Variants in TRPC3 observed in about 807,000 individuals in gnomAD.
TRPC3 encodes the protein short transient receptor potential channel 3.
TRPC3 carries 54 observed loss-of-function variants against 90.9 expected under a neutral mutation model. The ratio of observed to expected loss-of-function variants is 0.59; its 90% CI spans 0.48 to 0.75. TRPC3 has a LOEUF of 0.75. TRPC3 is among the 30% of genes least tolerant of loss of function. The pLI, the probability that TRPC3 is intolerant of heterozygous loss-of-function variation, is 0.00. For missense variants in TRPC3, 918 were observed against 1,194.5 expected (o/e 0.77, Z 3.41); for synonymous variants, 424 against 450.9 (o/e 0.94, Z 0.75).
In TRPC3 at chr4:121,902,997, C is replaced by T; in HGVS notation, c.2318G>A (p.Gly773Glu). Reference protein sequence around the residue: ...SKLWLSYFDDGKTLPPPFSLV... With the variant: ...SKLWLSYFDDEKTLPPPFSLV... ...ACTGAAAGGTGGAGGTAATGTTTTT[C>T]CATCATCAAAATAGGATAACCAAAG... Residue 773 changes from glycine to glutamate, a missense_variant, in exon 9 of 12, where the codon GGA becomes GAA. Transcript: ENST00000379645. The T allele has an allele frequency of 6.2e-7, 1 of 1,613,362 alleles. No individual in the cohort carries two copies. The highest frequency in any genetic ancestry group is 8.5e-7 in the Non-Finnish European group (1 of 1,179,720).
chr4:121,926,277 A>G (rs1424819094), intron 2 of TRPC3, among the ~76,000 whole-genome samples: 1 of 152,102 alleles, frequency 6.6e-6, no homozygotes, highest in East Asian at 1.9e-4. Context: ...CGGGAGTGTA[A>G]CCCTCCTCAC....
At chr4:121,885,223 A>G (rs1370987606) in intron 10 of TRPC3, among the ~76,000 whole-genome samples, 1 of 152,160 alleles carries the variant, frequency 6.6e-6, no homozygotes, top group Non-Finnish European at 1.5e-5. Flanking sequence ...TTCTAAAATG[A>G]TCTGCAGCTC....
intron 6 of TRPC3, among the ~76,000 whole-genome samples, chr4:121,908,444 C>CTA (rs1191923469): frequency 6.6e-6 from 1 of 152,118 alleles, no homozygotes; most frequent in Non-Finnish European, 1.5e-5. Context: ...CATTGCAGCA[C>CTA]TATTCACAAT....
intron 10 of TRPC3, among the ~76,000 whole-genome samples, chr4:121,891,797 A>G (rs1390090033): frequency 6.6e-6 from 1 of 152,172 alleles, no homozygotes; most frequent in African/African-American, 2.4e-5. Flanking sequence ...TACTACCTTT[A>G]GCAACCCAAA....
intron 2 of TRPC3, among the ~76,000 whole-genome samples, chr4:121,928,904 A>G (rs1414780862): frequency 6.6e-6 from 1 of 152,252 alleles, no homozygotes. Flanking sequence ...ATAACAAAAG[A>G]GGCAAGTTAT....
In TRPC3 at chr4:121,879,757, G is replaced by T; in HGVS notation, c.2745C>A (p.Pro915=). ...LIHKLSEKLN[P]SMLRCE ...TGCATCATTCACATCTCAGCATGCT[G>T]GGATTCAGTTTCTCACTAAGTTTAT... Residue 915 remains proline, a synonymous_variant, in exon 12 of 12, where the codon CCC becomes CCA. Coordinates refer to ENST00000379645, the MANE Select transcript of TRPC3 (RefSeq NM_001130698.2). 1.9e-6 allele frequency: 3 copies of T among 1,610,080 alleles called. No homozygotes were observed. The highest frequency in any genetic ancestry group is 2.5e-6 in the Non-Finnish European group (3 of 1,178,608).
At chr4:121,911,761 AACAGTGATGTTGTC>A (rs1181461460) in intron 5 of TRPC3, 102 bp downstream of exon 5, 8 of 1,051,790 alleles carry the variant, frequency 7.6e-6, no homozygotes, top group Non-Finnish European at 6.7e-6. Context: ...CTTATCTTGC[AACAGTGATGTTGTC>A]ACCATATAAG....
chr4:121,928,502 C>CCTTTA (rs1729792851), intron 2 of TRPC3, among the ~76,000 whole-genome samples: 1 of 152,260 alleles, frequency 6.6e-6, no homozygotes, highest in African/African-American at 2.4e-5. Context: ...TTCACATTGA[C>CCTTTA]TGTTAGTTCC....
At chr4:121,937,852 T>C (rs1048399778) in intron 1 of TRPC3, among the ~76,000 whole-genome samples, 1 of 152,158 alleles carries the variant, frequency 6.6e-6, no homozygotes, top group South Asian at 2.1e-4. Flanking sequence ...TTTTTTAAAT[T>C]ATTTCTCACA....
intron 10 of TRPC3, among the ~76,000 whole-genome samples, chr4:121,883,473 A>G (rs990603170): frequency 1.3e-5 from 2 of 152,192 alleles, no homozygotes; most frequent in African/African-American, 4.8e-5. Flanking sequence ...AAAATGGGCA[A>G]AAGACAAACA....
At chr4:121,896,605 C>T (rs1177801118) in intron 10 of TRPC3, among the ~76,000 whole-genome samples, 1 of 152,032 alleles carries the variant, frequency 6.6e-6, no homozygotes, top group Admixed American at 6.6e-5. Context: ...AAGACCTCTT[C>T]AAGGAAAACT....
intron 2 of TRPC3, among the ~76,000 whole-genome samples, chr4:121,928,558 G>A (rs67798230): frequency 0.48 from 72,788 of 152,054 alleles, 18,367 homozygotes; most frequent in East Asian, 0.59. Flanking sequence ...TTACTTCACA[G>A]ATCAGACCAT....
At chr4:121,943,532 C>T (rs1032394432) in intron 1 of TRPC3, among the ~76,000 whole-genome samples, 1 of 152,070 alleles carries the variant, frequency 6.6e-6, no homozygotes, top group African/African-American at 2.4e-5. Flanking sequence ...ATCTCAAACT[C>T]ATCTTCACAA....
At chr4:121,926,598 G>T (rs772443956) in intron 2 of TRPC3, among the ~76,000 whole-genome samples, 15 of 151,808 alleles carry the variant, frequency 9.9e-5, no homozygotes, top group Admixed American at 2.0e-4. Flanking sequence ...GTAGAGATGG[G>T]GTTTCACCAT....
chr4:121,921,449 G>A (rs1323610034), intron 3 of TRPC3, among the ~76,000 whole-genome samples: 7 of 147,992 alleles, frequency 4.7e-5, no homozygotes, highest in African/African-American at 1.5e-4. Flanking sequence ...GTGAACCCGG[G>A]AGGCGGAGCT....
chr4:121,951,460 A>G lies in TRPC3; in HGVS notation c.215+6T>C. 1 of 1,239,906 alleles carries G rather than the reference A, an allele frequency of 8.1e-7. No homozygotes were observed. The highest frequency in any genetic ancestry group is 1.0e-6 in the Non-Finnish European group (1 of 990,140). The allele number at this position is 1,239,906 out of a possible 1,614,324, so 76.8% of individuals were successfully genotyped here. A position where few individuals can be genotyped will look rare whatever the true frequency, so the allele number is the denominator to read the frequency against. Reference sequence around the variant, plus strand: ...GGCGCGGGCCGCGGCCGGGCCCGGTACTCACAGGTCCGGCCCGTGGGAGAA... The same window carrying G: ...GGCGCGGGCCGCGGCCGGGCCCGGTGCTCACAGGTCCGGCCCGTGGGAGAA... On this transcript the variant is annotated splice_donor_region_variant and intron_variant, in intron 1 of 11. Coordinates refer to ENST00000379645, the MANE Select transcript of TRPC3 (RefSeq NM_001130698.2). The surrounding 1 kb of genome is among the most constrained non-coding windows in gnomAD (Gnocchi z 4.4).
rs201764175 is a variant in TRPC3 at position 121,932,610 on chromosome 4, C to T, written c.648G>A (p.Gln216=). ...CGTCGTAAGCGTAGAAGTCGTCGTC[C>T]TGCAGCTCCTGCTCACAGGGGCTCA... is the stretch of plus-strand genomic sequence containing the variant. ...LTLSPCEQEL[Q]DDDFYAYDED... Residue 216 remains glutamine, a synonymous_variant, in exon 2 of 12, where the codon CAG becomes CAA. Coordinates refer to ENST00000379645, the MANE Select transcript of TRPC3 (RefSeq NM_001130698.2). The surrounding 1 kb of genome is among the most constrained non-coding windows in gnomAD (Gnocchi z 7.7). 5.6e-6 allele frequency: 9 copies of T among 1,613,926 alleles called. No individual in the cohort carries two copies. Among genetic ancestry groups the T allele is most frequent in the Admixed American group, 1.7e-5 (1 of 60,030 alleles).
intron 1 of TRPC3, among the ~76,000 whole-genome samples, chr4:121,939,149 T>G (rs752073596): frequency 3.9e-4 from 59 of 152,298 alleles, no homozygotes; most frequent in Non-Finnish European, 5.1e-4. Context: ...TCAGGACATC[T>G]CTGCCTGGAG....
At chr4:121,927,333 CA>C (rs1729756794) in intron 2 of TRPC3, among the ~76,000 whole-genome samples, 1 of 152,194 alleles carries the variant, frequency 6.6e-6, no homozygotes, top group Non-Finnish European at 1.5e-5. Context: ...ATGAAGGTGT[CA>C]ATGACCATCT....
Sources: allele counts gnomAD v4.1 joint callset (sites outside exome capture counted in the v4.1 genomes callset), GRCh38; gene constraint gnomAD v4.1.1; non-coding constraint Gnocchi (gnomAD v3.1); transcripts MANE v1.5; gene names NCBI Gene and HGNC (gene_info 2026-07-23, HGNC 2026-07-21).